The following SZT2 variants were observed in gnomAD, a reference collection of about 807,000 sequenced individuals.
The protein encoded by SZT2 is SZT2 subunit of KICSTOR complex.
Under a neutral mutation model 404.2 loss-of-function variants are expected in SZT2, and 216 were observed. The observed-to-expected ratio is 0.53, with a 90% CI of 0.48 to 0.60. The LOEUF (loss-of-function observed/expected upper bound fraction) is 0.60, where lower values mean the gene tolerates loss of function less well. Among genes scored for constraint, SZT2 ranks in the 20% least tolerant of loss-of-function variants. The pLI is 0.00. For synonymous variants in SZT2, 1,693 were observed against 1,749.9 expected (o/e 0.97, Z 0.81); for missense variants, 3,857 against 4,459.2 (o/e 0.86, Z 3.85).
rs748949039 is a variant in SZT2 at position 43,450,058 on chromosome 1, G to A, written c.10087-45G>A. 5.3e-5 allele frequency: 85 copies of A among 1,612,730 alleles called. No individual in the cohort carries two copies. The East Asian group carries it at 1.8e-3, about 35-fold the overall frequency. On this transcript the variant is annotated intron_variant, in intron 70 of 71. Transcript: ENST00000634258. This position sits in a 1 kb window ranked among gnomAD's most constrained non-coding sequence, Gnocchi z 4.3. The stretch of plus-strand genomic sequence containing the variant: ...TCCCTTCACCTCAGGATGCCCTGTG[G>A]GAGGGTCTGTAGGGTCTGTGTCCCC...
Position 43,437,932 on chromosome 1 carries a change from G to A in SZT2, c.6508+30G>A, listed in dbSNP as rs771198762. ...GGTCTGAGGAGGGGGTAGGGGAGTC[G>A]CCACATGAGGTTCCAGAATCCTCTG... On this transcript the variant is annotated intron_variant, in intron 46 of 71. Coordinates refer to ENST00000634258, the MANE Select transcript of SZT2 (RefSeq NM_001365999.1). The surrounding 1 kb of genome is among the most constrained non-coding windows in gnomAD (Gnocchi z 5.3). 2.1e-5 allele frequency: 33 copies of A among 1,605,448 alleles called. No homozygotes were observed. The highest frequency in any genetic ancestry group is 1.1e-4 in the African/African-American group (8 of 74,714).
Position 43,424,385 on chromosome 1 carries a change from T to C in SZT2, c.2424T>C (p.Pro808=). Residue 808 remains proline (P), a synonymous_variant, in exon 16 of 72, where the codon CCT becomes CCC. Coordinates refer to ENST00000634258, the MANE Select transcript of SZT2 (RefSeq NM_001365999.1). This position sits in a 1 kb window ranked among gnomAD's most constrained non-coding sequence, Gnocchi z 4.1. The part of the protein sequence containing the change: ...WLWSVPSGLA[P]ALPLSAIAQL... ...GGAGTGTCCCGTCAGGACTGGCCCC[T>C]GCGCTGCCTCTCAGTGCCATTGCCC... 6.3e-7 allele frequency: 1 copy of C among 1,598,100 alleles called. No individual in the cohort carries two copies. The highest frequency in any genetic ancestry group is 8.5e-7 in the Non-Finnish European group (1 of 1,179,620).
intron 70 of SZT2, 163 bp from the exon 71 acceptor site, chr1:43,449,940 A>C: frequency 1.3e-6 from 1 of 776,232 alleles, no homozygotes; most frequent in Non-Finnish European, 2.2e-6. Context: ...AGCGAGGATG[A>C]GGACTGAGGC....
At chr1:43,432,178 C>A in intron 36 of SZT2, 94 bp from the exon 37 acceptor site, 3 of 1,344,276 alleles carry the variant, frequency 2.2e-6, no homozygotes, top group Non-Finnish European at 2.0e-6. Context: ...TCTGCTTTAC[C>A]AGGTAGTTAG....
chr1:43,406,928 A>G (rs1402526959), intron 4 of SZT2: 1 of 152,268 alleles, frequency 6.6e-6, no homozygotes, highest in Non-Finnish European at 1.5e-5. Context: ...CTATTAAAAT[A>G]ATTAGCCATA....
chr1:43,431,587 C>G (rs555357977), intron 35 of SZT2, 64 bp downstream of exon 35: 1 of 1,606,490 alleles, frequency 6.2e-7, no homozygotes, highest in East Asian at 2.2e-5. Flanking sequence ...AGATAAGGTA[C>G]CCCCTTTGTT....
rs1655874314 is a variant in SZT2 at position 43,447,871 on chromosome 1, G to C, written c.9463G>C (p.Glu3155Gln). The C allele has an allele frequency of 1.2e-6, 2 of 1,614,154 alleles. No individual in the cohort carries two copies. Among genetic ancestry groups the C allele is most frequent in the Non-Finnish European group, 1.7e-6 (2 of 1,180,032 alleles). ...CAGTTCTGGCTCCTACCTGGACTCT[G>C]AGGGACTTCGACACCAGGATGACTT... ...WHSSGSYLDS[E>Q]GLRHQDDFDV... The change falls in exon 68 of 72, where the codon GAG becomes CAG. Residue 3155 changes from glutamate to glutamine, a missense_variant. This residue lies in a region of SZT2 where 717 missense variants were observed against 868.2 expected (regional missense o/e 0.83). Coordinates refer to ENST00000634258, the MANE Select transcript of SZT2 (RefSeq NM_001365999.1).
At chr1:43,414,056 T>G (rs1181318727) in intron 4 of SZT2, among the ~76,000 whole-genome samples, 6 of 151,920 alleles carry the variant, frequency 3.9e-5, no homozygotes, top group Admixed American at 6.6e-5. Context: ...CTGAGGTGGG[T>G]GGATCACTTG....
Position 43,451,902 on chromosome 1 carries a change from G to A in SZT2, c.*1422G>A. 1 of 1,613,538 alleles carries A rather than the reference G, an allele frequency of 6.2e-7. No homozygotes were observed. Among genetic ancestry groups the A allele is most frequent in the Non-Finnish European group, 8.5e-7 (1 of 1,179,514 alleles). On this transcript the variant is annotated 3_prime_UTR_variant, in exon 72 of 72. Coordinates refer to ENST00000634258, the MANE Select transcript of SZT2 (RefSeq NM_001365999.1). Reference sequence around the variant, plus strand: ...AGCCTCAAGAGCACAGGAATCAAAAGGGACAGAAGGAGAGACAGGGCTGGG... The same window carrying A: ...AGCCTCAAGAGCACAGGAATCAAAAAGGACAGAAGGAGAGACAGGGCTGGG...
At position 43,452,043 on chromosome 1, in the gene SZT2, G is replaced by A; in HGVS notation, c.*1563G>A. ...CAGCATGTCGGGTGCTGTGAATAGA[G>A]CTCCTTCCCAAGTTTGTCCCCCATC... On this transcript the variant is annotated 3_prime_UTR_variant, in exon 72 of 72. Transcript: ENST00000634258. 1 of 1,586,016 alleles carries A rather than the reference G, an allele frequency of 6.3e-7. No homozygotes were observed. Among genetic ancestry groups the A allele is most frequent in the Non-Finnish European group, 8.6e-7 (1 of 1,162,154 alleles).
In SZT2 at chr1:43,453,476, A is replaced by AT. The variant is rs755702385; in HGVS notation, c.*2999dup. On this transcript the variant is annotated 3_prime_UTR_variant, in exon 72 of 72. Transcript: ENST00000634258. ...TCTCCCGGGGACGGCCCCCAGCCCCATTTCCCCCTTCTCTTGGTCTCCTGC... is the reference window on the plus strand; with the variant it reads ...TCTCCCGGGGACGGCCCCCAGCCCCATTTTCCCCCTTCTCTTGGTCTCCTGC... 26 of 1,559,270 alleles carry AT rather than the reference A, an allele frequency of 1.7e-5. No individual in the cohort carries two copies. In the South Asian group the frequency reaches 2.8e-4, roughly 17 times the overall value.
chr1:43,403,980 C>A (rs568920069), intron 3 of SZT2: 3 of 601,310 alleles, frequency 5.0e-6, no homozygotes, highest in Middle Eastern at 9.0e-4. Flanking sequence ...GAAGCCAAGG[C>A]GGGCTGATTA....
chr1:43,394,685 C>G (rs187930725), intron 1 of SZT2, among the ~76,000 whole-genome samples: 1 of 152,024 alleles, frequency 6.6e-6, no homozygotes, highest in Admixed American at 6.6e-5. Context: ...TTGAGACCAG[C>G]CTCACCAGCA....
In SZT2 at chr1:43,416,367, G is replaced by A. The variant is rs773927880; in HGVS notation, c.773-168G>A. ...GCATTCAAGAGGAAGAAGCAGGAGG[G>A]TAAGGGAGAAGGAAAGGTGTTTGAA... On this transcript the variant is annotated intron_variant, in intron 6 of 71. Coordinates refer to ENST00000634258, the MANE Select transcript of SZT2 (RefSeq NM_001365999.1). 5.1e-4 allele frequency among the ~76,000 whole-genome samples: 78 copies of A among 152,272 alleles called. No homozygotes were observed. In the Middle Eastern group the frequency reaches 0.017, roughly 33 times the overall value.
At chr1:43,418,813 G>A (rs1055216426) in intron 7 of SZT2, among the ~76,000 whole-genome samples, 7 of 152,182 alleles carry the variant, frequency 4.6e-5, no homozygotes, top group Non-Finnish European at 8.8e-5. Flanking sequence ...GAGGTTCAAG[G>A]CCTGGCAGTC....
Position 43,426,025 on chromosome 1 carries a change from TCCTC to T in SZT2, c.2930-8_2930-5del. 6.2e-7 allele frequency: 1 copy of T among 1,613,742 alleles called. No homozygotes were observed. Among genetic ancestry groups the T allele is most frequent in the Non-Finnish European group, 8.5e-7 (1 of 1,179,826 alleles). On this transcript the variant is annotated splice_polypyrimidine_tract_variant and intron_variant, in intron 20 of 71. Transcript: ENST00000634258. This position sits in a 1 kb window ranked among gnomAD's most constrained non-coding sequence, Gnocchi z 4.9. ...TCTGCGTCTCACTGTGTCCTGTCCT[TCCTC>T]CCTCGTAGGATTGGATCAGGGAGGA...
intron 12 of SZT2, 77 bp downstream of exon 12, chr1:43,422,302 G>A (rs1652460647): frequency 3.5e-5 from 53 of 1,509,756 alleles, no homozygotes; most frequent in Non-Finnish European, 4.7e-5. Context: ...GGGAAGGGGA[G>A]CAGCAGATGA....
intron 4 of SZT2, chr1:43,410,041 A>C (rs548181668): frequency 6.6e-6 from 1 of 152,270 alleles, no homozygotes. Flanking sequence ...CAAAAACAGC[A>C]TGGTACTGGC....
intron 4 of SZT2, among the ~76,000 whole-genome samples, chr1:43,409,290 A>C (rs1472809748): frequency 2.0e-5 from 3 of 152,076 alleles, no homozygotes; most frequent in Non-Finnish European, 4.4e-5. Context: ...CTATTGACTG[A>C]CTTGCTTTCT....
Sources: allele counts gnomAD v4.1 joint callset (sites outside exome capture counted in the v4.1 genomes callset), GRCh38; gene constraint gnomAD v4.1.1; regional missense constraint gnomAD v4.1.1; non-coding constraint Gnocchi (gnomAD v3.1); transcripts MANE v1.5; gene names NCBI Gene and HGNC (gene_info 2026-07-23, HGNC 2026-07-21).